The following ZNF721 variants were observed in gnomAD, a reference collection of about 807,000 sequenced individuals.
ZNF721 encodes the protein zinc finger protein 721.
Under a neutral mutation model 2.4 loss-of-function variants are expected in ZNF721, and 2 were observed. The observed-to-expected ratio is 0.82, with a 90% CI of 0.34 to 2.58. ZNF721 has a LOEUF of 2.58. ZNF721 is among the 30% of genes most tolerant of loss of function. The pLI is 0.11. For missense variants in ZNF721, 1,187 were observed against 1,085.5 expected, an observed-to-expected ratio of 1.09 and a Z score of -1.31; for synonymous variants, 398 against 381.8, an observed-to-expected ratio of 1.04 and a Z score of -0.50.
chr4:465,788 A>C (rs1303271206), intron 2 of ZNF721, among the ~76,000 whole-genome samples: 23 of 151,748 alleles, frequency 1.5e-4, no homozygotes, highest in Admixed American at 4.6e-4. Flanking sequence ...ATTACAAAAA[A>C]AAAACAAAAC....
intron 1 of ZNF721, among the ~76,000 whole-genome samples, chr4:481,658 T>C (rs1373227065): frequency 6.6e-6 from 1 of 151,726 alleles, no homozygotes; most frequent in East Asian, 1.9e-4. Context: ...AACCTCCACA[T>C]AAGGAAGAAA....
chr4:491,382 CACTCCAGCCTGGGCAACAGAGTGAG>C (rs1361356200), intron 1 of ZNF721, among the ~76,000 whole-genome samples: 1 of 152,190 alleles, frequency 6.6e-6, no homozygotes, highest in Non-Finnish European at 1.5e-5. Flanking sequence ...CGTGCCATTG[CACTCCAGCCTGGGCAACAGAGTGAG>C]ACTCCATCTC....
chr4:469,577 T>G (rs1553867284), intron 2 of ZNF721, among the ~76,000 whole-genome samples: 1 of 152,192 alleles, frequency 6.6e-6, no homozygotes, highest in East Asian at 1.9e-4. Context: ...GAAAACACAA[T>G]TGTAAAATTT....
chr4:488,306 C>T (rs1263479065), intron 1 of ZNF721, among the ~76,000 whole-genome samples: 1 of 152,184 alleles, frequency 6.6e-6, no homozygotes, highest in African/African-American at 2.4e-5. Context: ...AGTGCAGGTA[C>T]ATGTGGATGT....
intron 2 of ZNF721, among the ~76,000 whole-genome samples, chr4:467,594 T>C (rs543668915): frequency 2.6e-5 from 4 of 152,054 alleles, no homozygotes; most frequent in African/African-American, 9.6e-5. Context: ...GACAAGAAAA[T>C]GGTGCATGCA....
Position 443,628 on chromosome 4 carries a change from A to T in ZNF721, c.839T>A (p.Leu280Ter). The T allele has an allele frequency of 1.2e-6, 2 of 1,613,610 alleles. No individual in the cohort carries two copies. The highest frequency in any genetic ancestry group is 1.1e-5 in the South Asian group (1 of 91,060). The change falls in exon 3 of 3, where the codon TTA becomes TAA. Residue 280 changes from leucine (L) to a stop codon, truncating the protein, a stop_gained. Transcript: ENST00000511833. LOFTEE classifies it low-confidence loss of function (END_TRUNC). ...IHTGEKPFKCLECGKAFNIST... is the reference protein window; with the variant it reads ...IHTGEKPFKC ...AATATTAAAGGCTTTACCACATTCT[A>T]AACATTTAAAGGGTTTCTCGCCAGT...
At chr4:467,032 C>T (rs1372334919) in intron 2 of ZNF721, among the ~76,000 whole-genome samples, 1 of 152,082 alleles carries the variant, frequency 6.6e-6, no homozygotes, top group Non-Finnish European at 1.5e-5. Context: ...TCCTGGCTAA[C>T]ACGGTGAAAC....
intron 2 of ZNF721, among the ~76,000 whole-genome samples, chr4:460,369 A>G (rs1715023418): frequency 6.6e-6 from 1 of 152,196 alleles, no homozygotes; most frequent in African/African-American, 2.4e-5. Flanking sequence ...GTAGAAATAA[A>G]TAAGTTCTTT....
At chr4:486,008 T>C (rs1446353346) in intron 1 of ZNF721, among the ~76,000 whole-genome samples, 1 of 151,746 alleles carries the variant, frequency 6.6e-6, no homozygotes, top group Admixed American at 6.6e-5. Context: ...ATAGATAGAT[T>C]CTGGCTTAAT....
intron 2 of ZNF721, 146 bp downstream of exon 2, chr4:472,429 G>C (rs1170669672): frequency 2.3e-6 from 2 of 883,228 alleles, no homozygotes; most frequent in African/African-American, 1.7e-5. Context: ...ACAATGTTAA[G>C]AATTTACTAT....
At chr4:494,654 T>G (rs1350138932) in intron 1 of ZNF721, among the ~76,000 whole-genome samples, 1 of 152,148 alleles carries the variant, frequency 6.6e-6, no homozygotes, top group African/African-American at 2.4e-5. Context: ...ATTTTCATCA[T>G]AAGGTATAGA....
chr4:499,012 C>T, intron 1 of ZNF721, 44 bp downstream of exon 1: 1 of 381,402 alleles, frequency 2.6e-6, no homozygotes, highest in Non-Finnish European at 4.8e-6. Context: ...GCGTGAGCCA[C>T]TGCACCCTGC....
chr4:489,042 A>T (rs1294402063), intron 1 of ZNF721, among the ~76,000 whole-genome samples: 1 of 152,112 alleles, frequency 6.6e-6, no homozygotes, highest in Non-Finnish European at 1.5e-5. Flanking sequence ...GGACTGTCGC[A>T]ACTTAGGCCT....
chr4:471,806 TTTTAC>T (rs752835663), intron 2 of ZNF721, among the ~76,000 whole-genome samples: 38 of 152,270 alleles, frequency 2.5e-4, no homozygotes, highest in South Asian at 4.1e-4. Context: ...CTTGATTATA[TTTTAC>T]TTTACAATAA....
At chr4:472,057 AT>A (rs1267245285) in intron 2 of ZNF721, among the ~76,000 whole-genome samples, 1 of 152,094 alleles carries the variant, frequency 6.6e-6, no homozygotes, top group Non-Finnish European at 1.5e-5. Flanking sequence ...TAAAATTATT[AT>A]TTTTTGTTTT....
intron 2 of ZNF721, among the ~76,000 whole-genome samples, chr4:456,352 G>T (rs1714848269): frequency 6.6e-6 from 1 of 152,144 alleles, no homozygotes; most frequent in Non-Finnish European, 1.5e-5. Context: ...TTACAGGCGT[G>T]AGCCACCATG....
intron 2 of ZNF721, among the ~76,000 whole-genome samples, chr4:466,635 AT>A (rs1487428593): frequency 1.3e-5 from 2 of 152,200 alleles, no homozygotes; most frequent in Non-Finnish European, 2.9e-5. Flanking sequence ...TAGAAATTTC[AT>A]TTGTAGATTA....
chr4:457,082 T>C (rs1560231809), intron 2 of ZNF721, among the ~76,000 whole-genome samples: 1 of 152,164 alleles, frequency 6.6e-6, no homozygotes, highest in Non-Finnish European at 1.5e-5. Flanking sequence ...AATCCTTACA[T>C]GCAAAGAAAA....
In ZNF721 at chr4:443,493, C is replaced by A. The variant is rs781969324; in HGVS notation, c.974G>T (p.Arg325Ile). 5.0e-6 allele frequency: 8 copies of A among 1,613,194 alleles called. No individual in the cohort carries two copies. The highest frequency in any genetic ancestry group is 3.3e-5 in the South Asian group (3 of 91,022). ...GTAGGGTTTCTCTCCAGTATGAATT[C>A]TCCTATGTACATAAAGGTTTGCGGA... is the stretch of plus-strand genomic sequence containing the variant. ...RQSANLYVHR[R>I]IHTGEKPYTC... is the part of the protein sequence containing the mutation. The change falls in exon 3 of 3, where the codon AGA (arginine) becomes ATA (isoleucine). Residue 325 changes from arginine to isoleucine, a missense_variant. Arg to Ile is a moderately conservative substitution (Grantham distance 97). Transcript: ENST00000511833.
Sources: gnomAD v4.1 joint callset for allele counts (sites outside exome capture counted in the v4.1 genomes callset) on GRCh38, gnomAD v4.1.1 for gene constraint, MANE v1.5 for transcripts, NCBI Gene and HGNC (gene_info 2026-07-23, HGNC 2026-07-21) for gene names.